Variants in ZWILCH observed in about 807,000 individuals in gnomAD.
The protein encoded by ZWILCH is protein zwilch homolog.
ZWILCH carries 74 observed loss-of-function variants against 79.9 expected under a neutral mutation model. That is an observed-to-expected ratio of 0.93 (90% CI 0.77 to 1.12). ZWILCH has a LOEUF of 1.12. Ranked by LOEUF, ZWILCH falls within the 50% of genes most tolerant of loss-of-function variation. The pLI, the probability that ZWILCH is intolerant of heterozygous loss-of-function variation, is 0.00. For synonymous variants in ZWILCH, 241 were observed against 228.2 expected, an observed-to-expected ratio of 1.06 and a Z score of -0.51; for missense variants, 694 against 687.5, an observed-to-expected ratio of 1.01 and a Z score of -0.11.
intron 14 of ZWILCH, among the ~76,000 whole-genome samples, chr15:66,535,313 A>G (rs1484315526): frequency 6.6e-6 from 1 of 152,178 alleles, no homozygotes; most frequent in East Asian, 1.9e-4. Context: ...GGAATAATGC[A>G]TTGCACTACA....
chr15:66,512,566 G>A (rs1001647471), intron 2 of ZWILCH, among the ~76,000 whole-genome samples: 1 of 151,768 alleles, frequency 6.6e-6, no homozygotes, highest in Non-Finnish European at 1.5e-5. Context: ...TATTTAAACA[G>A]AGTTATATGC....
At position 66,528,842 on chromosome 15, in the gene ZWILCH, T is replaced by G. The variant is rs1472126166; in HGVS notation, c.970-10T>G. On this transcript the variant is annotated splice_polypyrimidine_tract_variant and intron_variant, in intron 10 of 18. Coordinates refer to ENST00000307897, the MANE Select transcript of ZWILCH (RefSeq NM_017975.5). ...AACTGAGTATTCTCTGAAGGTTGCT[T>G]CTTTTTCAGACCTTGAAGCATGACA... 2 of 1,612,440 alleles carry G rather than the reference T, an allele frequency of 1.2e-6. No homozygotes were observed. The highest frequency in any genetic ancestry group is 1.3e-5 in the African/African-American group (1 of 75,006).
intron 11 of ZWILCH, 147 bp downstream of exon 11, chr15:66,529,104 G>A (rs1894781433): frequency 7.9e-6 from 5 of 635,124 alleles, no homozygotes; most frequent in Non-Finnish European, 1.4e-5. Context: ...ACACATTGGT[G>A]CATTCTGCTT....
chr15:66,523,870 A>C lies in ZWILCH; in HGVS notation c.819+122A>C, dbSNP rs768215274. ...CTTCAGATGTTATGTATCCATTAGA[A>C]GCTCTGACAGTTTGGGCAGTTAAAT... On this transcript the variant is annotated intron_variant, in intron 8 of 18. Transcript: ENST00000307897. 2.5e-5 allele frequency: 16 copies of C among 631,490 alleles called. No homozygotes were observed. In the Admixed American group the frequency reaches 4.9e-4, roughly 19 times the overall value. The allele number at this position is 631,490 out of a possible 1,614,324, so 39.1% of individuals were successfully genotyped here. A position where few individuals can be genotyped will look rare whatever the true frequency, so the allele number is the denominator to read the frequency against.
chr15:66,526,960 C>A, intron 8 of ZWILCH, among the ~76,000 whole-genome samples: 1 of 152,168 alleles, frequency 6.6e-6, no homozygotes, highest in South Asian at 2.1e-4. Context: ...TCTGTAGCAC[C>A]TATGCACGTG....
At chr15:66,520,855 C>A (rs1041092359) in intron 6 of ZWILCH, among the ~76,000 whole-genome samples, 195 bp downstream of exon 6, 4 of 152,060 alleles carry the variant, frequency 2.6e-5, no homozygotes, top group African/African-American at 9.7e-5. Context: ...TTTGTGGTTT[C>A]AAAGAATTGT....
intron 8 of ZWILCH, among the ~76,000 whole-genome samples, chr15:66,525,153 G>A (rs780871151): frequency 2.6e-5 from 4 of 152,088 alleles, no homozygotes; most frequent in South Asian, 2.1e-4. Context: ...AATTTCCTAC[G>A]CTAGAAATCT....
At position 66,540,131 on chromosome 15, in the gene ZWILCH, T is replaced by G. The variant is rs1490672514; in HGVS notation, c.1608T>G (p.Tyr536Ter). The G allele has an allele frequency of 1.2e-6, 2 of 1,613,078 alleles. No homozygotes were observed. Among genetic ancestry groups the G allele is most frequent in the East Asian group, 2.2e-5 (1 of 44,844 alleles). Residue 536 changes from tyrosine (Y) to a stop codon, truncating the protein, a stop_gained, in exon 17 of 19, where the codon TAT (tyrosine) becomes TAG (stop). Coordinates refer to ENST00000307897, the MANE Select transcript of ZWILCH (RefSeq NM_017975.5). LOFTEE classifies it high-confidence loss of function. ...CACAGAAATGGAGAGTGGAAATATA[T>G]AGTGGTCAAAAGAAGATTAAGACAG... is the stretch of plus-strand genomic sequence containing the variant. ...EKPQKWRVEIYSGQKKIKTVW... is the reference protein window; with the variant it reads ...EKPQKWRVEI
Position 66,529,538 on chromosome 15 carries a change from A to T in ZWILCH, c.1120A>T (p.Ile374Phe), listed in dbSNP as rs1894796375. Residue 374 changes from isoleucine (I) to phenylalanine (F), a missense_variant, in exon 12 of 19, where the codon ATC (isoleucine) becomes TTC (phenylalanine). Transcript: ENST00000307897. ...CTTGGTGAAGTGTTTCACATTGATC[A>T]TCCAGAGTCTACAACGTGGTGATAT... ...QDLVKCFTLI[I>F]QSLQRGDIQP... 1 of 1,613,966 alleles carries T rather than the reference A, an allele frequency of 6.2e-7. No homozygotes were observed. Among genetic ancestry groups the T allele is most frequent in the Non-Finnish European group, 8.5e-7 (1 of 1,179,996 alleles).
In ZWILCH at chr15:66,546,575, C is replaced by G. The variant is rs374103192; in HGVS notation, c.1688-16C>G. On this transcript the variant is annotated splice_polypyrimidine_tract_variant and intron_variant, in intron 17 of 18. Coordinates refer to ENST00000307897, the MANE Select transcript of ZWILCH (RefSeq NM_017975.5). ...GGTGTTAAGCAATTCTGATCTCACT[C>G]TCTTTTTGATTACAGATTTTTCGGA... The G allele has an allele frequency of 1.9e-6, 3 of 1,586,186 alleles. No individual in the cohort carries two copies. Among genetic ancestry groups the G allele is most frequent in the Non-Finnish European group, 2.6e-6 (3 of 1,160,664 alleles).
intron 17 of ZWILCH, among the ~76,000 whole-genome samples, chr15:66,543,021 G>A (rs1895241665): frequency 6.6e-6 from 1 of 152,066 alleles, no homozygotes; most frequent in African/African-American, 2.4e-5. Flanking sequence ...GCTTCTGTGG[G>A]AGGTAGTACC....
chr15:66,547,039 A>G (rs1895396152), intron 18 of ZWILCH: 1 of 153,416 alleles, frequency 6.5e-6, no homozygotes, highest in African/African-American at 2.4e-5. Flanking sequence ...AACCCTGAAC[A>G]GGCATACTGA....
At chr15:66,517,446 A>ATATATATATATATATATATATATATG (rs1894320123) in intron 4 of ZWILCH, among the ~76,000 whole-genome samples, 1 of 125,788 alleles carries the variant, frequency 7.9e-6, no homozygotes. Flanking sequence ...ATATATATAT[A>ATATATATATATATATATATATATATG]TATATATATA....
chr15:66,523,849 A>G, intron 8 of ZWILCH, 101 bp downstream of exon 8: 2 of 828,050 alleles, frequency 2.4e-6, no homozygotes, highest in South Asian at 1.9e-5. Flanking sequence ...AAACTTCTTC[A>G]GATGTTATGT....
rs755971304 is a variant in ZWILCH, at chr15:66,518,934, A to T, written c.376A>T (p.Ile126Phe). The T allele has an allele frequency of 6.2e-6, 10 of 1,614,104 alleles. No individual in the cohort carries two copies. The highest frequency in any genetic ancestry group is 1.3e-5 in the African/African-American group (1 of 74,940). The change falls in exon 5 of 19, where the codon ATT (isoleucine) becomes TTT (phenylalanine). Residue 126 changes from isoleucine to phenylalanine, a missense_variant. Physicochemically the swap from Ile to Phe is conservative, Grantham distance 21. Transcript: ENST00000307897. ...AHNPNMTHLKINLPVTALPPL... is the reference protein window; with the variant it reads ...AHNPNMTHLKFNLPVTALPPL... Reference sequence around the variant, plus strand: ...CAATCCTAATATGACCCATTTGAAGATTAATCTGCCAGTTACTGCCCTTCC... The same window carrying T: ...CAATCCTAATATGACCCATTTGAAGTTTAATCTGCCAGTTACTGCCCTTCC...
At chr15:66,540,500 C>T (rs1373257254) in intron 17 of ZWILCH, among the ~76,000 whole-genome samples, 1 of 151,870 alleles carries the variant, frequency 6.6e-6, no homozygotes, top group Non-Finnish European at 1.5e-5. Flanking sequence ...TTGCAGTGAG[C>T]TGAGATCGTG....
intron 17 of ZWILCH, among the ~76,000 whole-genome samples, chr15:66,544,048 T>G (rs906563147): frequency 5.9e-5 from 9 of 152,172 alleles, no homozygotes; most frequent in South Asian, 2.1e-4. Context: ...TCACCTGAGG[T>G]CAGGAGTTCC....
chr15:66,536,699 T>C (rs539374483), intron 15 of ZWILCH, among the ~76,000 whole-genome samples: 2 of 152,302 alleles, frequency 1.3e-5, no homozygotes, highest in South Asian at 4.1e-4. Context: ...GAGGGGAAAG[T>C]TTGAAATTGT....
chr15:66,544,720 G>GTTTTTTTTTT (rs1555426549), intron 17 of ZWILCH, among the ~76,000 whole-genome samples: 13 of 141,390 alleles, frequency 9.2e-5, no homozygotes, highest in Admixed American at 5.9e-4. Context: ...TGTTTTTTTG[G>GTTTTTTTTTT]TTTTTGTGTG....
Sources: gnomAD v4.1 joint callset for allele counts (sites outside exome capture counted in the v4.1 genomes callset) on GRCh38, gnomAD v4.1.1 for gene constraint, MANE v1.5 for transcripts, NCBI Gene and HGNC (gene_info 2026-07-23, HGNC 2026-07-21) for gene names.